Variants in CDON observed in about 807,000 individuals in gnomAD.
CDON encodes the protein cell adhesion associated, oncogene regulated, also known as cell adhesion molecule-related/down-regulated by oncogenes.
A neutral mutation model predicts 120.9 loss-of-function variants in CDON; 73 were observed. The ratio of observed to expected loss-of-function variants is 0.60; its 90% CI spans 0.50 to 0.73. The LOEUF (loss-of-function observed/expected upper bound fraction) is 0.73, where lower values mean the gene tolerates loss of function less well. Ranked by LOEUF, CDON falls within the 30% of genes least tolerant of loss-of-function variation. CDON has a pLI of 0.00. For synonymous variants in CDON, 566 were observed against 573.5 expected (o/e 0.99, Z 0.19); for missense variants, 1,470 against 1,587.3 (o/e 0.93, Z 1.26).
chr11:125,994,863 G>A lies in CDON; in HGVS notation c.2544+8C>T. ...CACAAAATCTCATTCCAGAAGATGT[G>A]TACTGACCGTCCACTTTAGCATGAT... is the stretch of plus-strand genomic sequence containing the variant. On this transcript the variant is annotated splice_region_variant and intron_variant, in intron 13 of 19. Transcript: ENST00000531738. The A allele has an allele frequency of 2.5e-6, 4 of 1,610,118 alleles. No individual in the cohort carries two copies. Among genetic ancestry groups the A allele is most frequent in the South Asian group, 1.1e-5 (1 of 90,982 alleles).
Position 126,062,664 on chromosome 11 carries a change from C to CG in CDON, c.-148dup. On this transcript the variant is annotated 5_prime_UTR_variant, in exon 1 of 20. The change creates a premature stop within an existing upstream ORF in the 5' untranslated region. Transcript: ENST00000531738. ...CCCCCAGGTCATCCCCCCGCGCGCGCGCGGCGGCGGCTACGGTGGCGGCGG... is the reference window on the plus strand; with the variant it reads ...CCCCCAGGTCATCCCCCCGCGCGCGCGGCGGCGGCGGCTACGGTGGCGGCGG... The CG allele has an allele frequency of 1.9e-5, 3 of 154,154 alleles. No homozygotes were observed. The highest frequency in any genetic ancestry group is 4.3e-5 in the Non-Finnish European group (3 of 69,952). The allele number at this position is 154,154 out of a possible 1,614,324, so 9.5% of individuals were successfully genotyped here.
intron 2 of CDON, among the ~76,000 whole-genome samples, chr11:126,023,078 C>T (rs1196867071): frequency 2.6e-5 from 4 of 152,014 alleles, no homozygotes; most frequent in Non-Finnish European, 5.9e-5. Flanking sequence ...GCATTTTATT[C>T]CTGTTCTTTC....
At chr11:125,979,898 T>C (rs1045765328) in intron 17 of CDON, among the ~76,000 whole-genome samples, 4 of 152,214 alleles carry the variant, frequency 2.6e-5, no homozygotes, top group Admixed American at 6.5e-5. Flanking sequence ...TAATATTTCT[T>C]CCACAACATA....
intron 18 of CDON, among the ~76,000 whole-genome samples, chr11:125,977,253 CTGAA>C (rs1212659474): frequency 6.6e-6 from 1 of 152,188 alleles, no homozygotes; most frequent in Non-Finnish European, 1.5e-5. Context: ...TATAGACACC[CTGAA>C]ATGGGTTAAG....
chr11:125,957,491 C>T lies in CDON; in HGVS notation c.*3451G>A, dbSNP rs190613771. 64 of 152,288 alleles carry T rather than the reference C, an allele frequency of 4.2e-4. No homozygotes were observed. Among genetic ancestry groups the T allele is most frequent in the African/African-American group, 1.4e-3 (57 of 41,546 alleles). The allele number at this position is 152,288 out of a possible 1,614,324, so 9.4% of individuals were successfully genotyped here. On this transcript the variant is annotated 3_prime_UTR_variant, in exon 20 of 20. Transcript: ENST00000531738. ...CTCTTTTAATATAAAATCATATCAA[C>T]CAAATAAAACCTGCCAAAGCTACAT...
At chr11:125,986,953 A>T (rs1946485705) in intron 15 of CDON, among the ~76,000 whole-genome samples, 1 of 152,164 alleles carries the variant, frequency 6.6e-6, no homozygotes, top group African/African-American at 2.4e-5. Flanking sequence ...TGCTAAAGGA[A>T]ATTTCTACTT....
intron 10 of CDON, among the ~76,000 whole-genome samples, chr11:126,002,983 C>T (rs962236367): frequency 1.3e-5 from 2 of 152,122 alleles, no homozygotes; most frequent in African/African-American, 4.8e-5. Flanking sequence ...TAGGGAGACA[C>T]GTGGCTTTCT....
intron 1 of CDON, among the ~76,000 whole-genome samples, chr11:126,050,495 AACAC>A (rs10643446): frequency 0.23 from 33,369 of 142,896 alleles, 3,999 homozygotes; most frequent in Non-Finnish European, 0.28. Flanking sequence ...GTAAGTAGCA[AACAC>A]ACACACACAC....
Position 126,010,650 on chromosome 11 carries a change from T to C in CDON, c.1243A>G (p.Lys415Glu), listed in dbSNP as rs1002410638. Residue 415 changes from lysine (K) to glutamate (E), a missense_variant, in exon 8 of 20, where the codon AAG (lysine) becomes GAG (glutamate). By Grantham distance (56) the Lys-to-Glu change is moderately conservative. Coordinates refer to ENST00000531738, the MANE Select transcript of CDON (RefSeq NM_001378964.1). ...GTAACAAAGTCTCCGTCTGCAACCT[T>C]TGCACTTACTGGTGCCGTAATTATA... ...PVIITAPVSA[K>E]VADGDFVTLS... 1 of 1,614,178 alleles carries C rather than the reference T, an allele frequency of 6.2e-7. No homozygotes were observed. Among genetic ancestry groups the C allele is most frequent in the Non-Finnish European group, 8.5e-7 (1 of 1,180,012 alleles).
At chr11:125,966,722 C>G (rs73019380) in intron 18 of CDON, among the ~76,000 whole-genome samples, 2,612 of 151,920 alleles carry the variant, frequency 0.017, 34 homozygotes, top group Middle Eastern at 0.037. Flanking sequence ...AAAAAGCAGC[C>G]AGAAGAAAAA....
chr11:125,974,394 G>A (rs935725033), intron 18 of CDON, among the ~76,000 whole-genome samples: 6 of 26,284 alleles, frequency 2.3e-4, no homozygotes, highest in Non-Finnish European at 5.6e-4. Context: ...GGAAGGAAGG[G>A]AGGGAGGGAG....
At chr11:126,030,175 GC>G (rs1317353165) in intron 1 of CDON, among the ~76,000 whole-genome samples, 1 of 152,196 alleles carries the variant, frequency 6.6e-6, no homozygotes, top group East Asian at 1.9e-4. Context: ...GCAGAGGGAA[GC>G]TAAAGGTATA....
chr11:126,040,679 G>T (rs1046886600), intron 1 of CDON, among the ~76,000 whole-genome samples: 1 of 151,368 alleles, frequency 6.6e-6, no homozygotes, highest in Admixed American at 6.6e-5. Flanking sequence ...TCCGGGCCTG[G>T]TGGCCGGCGC....
chr11:126,050,798 T>G (rs879266179), intron 1 of CDON, among the ~76,000 whole-genome samples: 1 of 152,018 alleles, frequency 6.6e-6, no homozygotes, highest in Non-Finnish European at 1.5e-5. Context: ...CCCTGGAGCC[T>G]CCATTCTTAT....
intron 7 of CDON, chr11:126,014,893 C>T (rs1947415497): frequency 3.9e-6 from 1 of 255,354 alleles, no homozygotes; most frequent in African/African-American, 2.2e-5. Context: ...CTCATATGTG[C>T]ACTACATACA....
chr11:126,056,711 T>C (rs1249810413), intron 1 of CDON, among the ~76,000 whole-genome samples: 1 of 152,186 alleles, frequency 6.6e-6, no homozygotes. Context: ...ATTTCAACAA[T>C]ACAAACAAAT....
At position 126,016,861 on chromosome 11, in the gene CDON, G is replaced by A. The variant is rs368093156; in HGVS notation, c.928+227C>T. On this transcript the variant is annotated intron_variant, in intron 6 of 19. Transcript: ENST00000531738. ...GAGAATAATTTCTATATTGTACAAC[G>A]AGGTTGGGGGTGAGGTTCCGAAGAA... Among the ~76,000 whole-genome samples, 36 of 152,126 alleles carry A rather than the reference G, an allele frequency of 2.4e-4. 1 individual carries two copies. The highest frequency in any genetic ancestry group is 1.7e-3 in the East Asian group (9 of 5,176).
At chr11:126,054,345 C>T (rs908495765) in intron 1 of CDON, among the ~76,000 whole-genome samples, 15 of 152,202 alleles carry the variant, frequency 9.9e-5, no homozygotes, top group African/African-American at 3.4e-4. Context: ...AGAACTACTA[C>T]ATACATTTTA....
rs1443599389 is a variant in CDON at position 125,960,117 on chromosome 11, G to A, written c.*825C>T. On this transcript the variant is annotated 3_prime_UTR_variant, in exon 20 of 20. Coordinates refer to ENST00000531738, the MANE Select transcript of CDON (RefSeq NM_001378964.1). Reference sequence around the variant, plus strand: ...GTCAACAGGTCACATTACCACTTCTGTGGAAGGCACTCTTGTAAAATCCGT... The same window carrying A: ...GTCAACAGGTCACATTACCACTTCTATGGAAGGCACTCTTGTAAAATCCGT... The A allele has an allele frequency of 6.6e-6, 1 of 152,214 alleles. No individual in the cohort carries two copies. The highest frequency in any genetic ancestry group is 1.5e-5 in the Non-Finnish European group (1 of 68,072). The allele number at this position is 152,214 out of a possible 1,614,324, so 9.4% of individuals were successfully genotyped here.
Sources: allele counts gnomAD v4.1 joint callset (sites outside exome capture counted in the v4.1 genomes callset), GRCh38; gene constraint gnomAD v4.1.1; transcripts MANE v1.5; gene names NCBI Gene and HGNC (gene_info 2026-07-23, HGNC 2026-07-21).